BTBD8: variants seen among roughly 807,000 people sequenced by gnomAD.
BTBD8 encodes the protein BTB/POZ domain-containing protein 8.
A neutral mutation model predicts 162.9 loss-of-function variants in BTBD8; 110 were observed. The ratio of observed to expected loss-of-function variants is 0.68; its 90% CI spans 0.58 to 0.79. The LOEUF (loss-of-function observed/expected upper bound fraction) is 0.79, where lower values mean the gene tolerates loss of function less well. Ranked by LOEUF, BTBD8 falls within the 30% of genes least tolerant of loss-of-function variation. The pLI, the probability that BTBD8 is intolerant of heterozygous loss-of-function variation, is 0.00. For missense variants in BTBD8, 1,905 were observed against 2,085.4 expected, an observed-to-expected ratio of 0.91 and a Z score of 1.68; for synonymous variants, 667 against 716.1, an observed-to-expected ratio of 0.93 and a Z score of 1.10.
rs780881044 is a variant in BTBD8 at position 92,177,208 on chromosome 1, A to C, written c.2015A>C (p.Gln672Pro). The change falls in exon 14 of 18, where the codon CAG becomes CCG. Residue 672 changes from glutamine (Q) to proline (P), a missense_variant. By Grantham distance (76) the Gln-to-Pro change is moderately conservative. Coordinates refer to ENST00000636805, the MANE Select transcript of BTBD8 (RefSeq NM_001376131.1). ...ACAGCAGCAGCAGCAGCAACTGGAC[A>C]GAAGAATTTACTAAATGGAAAAGGA... ...SATAAAAATGQKNLLNGKGVR... is the reference protein window; with the variant it reads ...SATAAAAATGPKNLLNGKGVR... The C allele has an allele frequency of 9.0e-6, 14 of 1,551,922 alleles. No homozygotes were observed. The East Asian group carries it at 3.4e-4, about 38-fold the overall frequency.
intron 7 of BTBD8, among the ~76,000 whole-genome samples, chr1:92,143,479 CT>C (rs921998214): frequency 2.3e-4 from 35 of 151,626 alleles, no homozygotes; most frequent in Non-Finnish European, 4.7e-4. Flanking sequence ...TTGTTGAAAA[CT>C]TTTTTTGCTT....
rs749435917 is a variant in BTBD8 at position 92,147,230 on chromosome 1, T to C, written c.981T>C (p.His327=). The C allele has an allele frequency of 1.2e-6, 2 of 1,612,354 alleles. No homozygotes were observed. The highest frequency in any genetic ancestry group is 2.2e-5 in the East Asian group (1 of 44,746). Residue 327 remains histidine, a synonymous_variant, in exon 8 of 18, where the codon CAT becomes CAC. Coordinates refer to ENST00000636805, the MANE Select transcript of BTBD8 (RefSeq NM_001376131.1). ...TACTAGAATGCCTGATTATTGCTCATTCAGTTGGAGTGGAAAGTCTTTTTG... is the reference window on the plus strand; with the variant it reads ...TACTAGAATGCCTGATTATTGCTCACTCAGTTGGAGTGGAAAGTCTTTTTG... The part of the protein sequence containing the change: ...TSILECLIIA[H]SVGVESLFAD...
rs1356153010 is a variant in BTBD8 at position 92,171,504 on chromosome 1, A to G, written c.1635+44A>G. The G allele has an allele frequency of 7.0e-6, 8 of 1,147,726 alleles. No individual in the cohort carries two copies. In the Admixed American group the frequency reaches 8.5e-5, roughly 12 times the overall value. 71.1% of individuals were successfully genotyped at this position (1,147,726 alleles called of 1,614,324 possible). On this transcript the variant is annotated intron_variant, in intron 13 of 17. Transcript: ENST00000636805. ...ATAGGTACAAATGAAAAAGATAACA[A>G]ATTATTTAAAGCTTATTATTTTATA... is the stretch of plus-strand genomic sequence containing the variant.
At chr1:92,139,460 A>G (rs372524116) in intron 6 of BTBD8, 30 bp downstream of exon 6, 3 of 1,588,292 alleles carry the variant, frequency 1.9e-6, no homozygotes, top group African/African-American at 2.7e-5. Flanking sequence ...AATTTAAAAT[A>G]TAAAAGAGTT....
chr1:92,182,953 A>G (rs1650964579), intron 17 of BTBD8, among the ~76,000 whole-genome samples: 1 of 152,070 alleles, frequency 6.6e-6, no homozygotes, highest in South Asian at 2.1e-4. Context: ...TACATTGGAT[A>G]TGATTTATAG....
chr1:92,087,282 C>T (rs1221603720), intron 1 of BTBD8, among the ~76,000 whole-genome samples: 3 of 145,866 alleles, frequency 2.1e-5, no homozygotes, highest in Non-Finnish European at 4.5e-5. Context: ...AGCTGCAGTG[C>T]TTCCTTATTC....
chr1:92,127,934 A>T (rs1489512704), intron 4 of BTBD8, among the ~76,000 whole-genome samples: 2 of 151,990 alleles, frequency 1.3e-5, no homozygotes, highest in Non-Finnish European at 2.9e-5. Flanking sequence ...TGGGTAGGGT[A>T]TGGTGTGTCT....
chr1:92,164,963 T>TA (rs1650353069), intron 9 of BTBD8, among the ~76,000 whole-genome samples: 1 of 151,524 alleles, frequency 6.6e-6, no homozygotes, highest in African/African-American at 2.4e-5. Context: ...GTACTTTTTT[T>TA]AAAAAAAATT....
In BTBD8 at chr1:92,183,522, CT is replaced by C. The variant is rs540446718; in HGVS notation, c.4913-332del. ...AAAAGTCATCATCAAAACACTATGT[CT>C]TTTTTTTTTCTCTTTTTCTATTGTA... On this transcript the variant is annotated intron_variant, in intron 17 of 17. Coordinates refer to ENST00000636805, the MANE Select transcript of BTBD8 (RefSeq NM_001376131.1). Among the ~76,000 whole-genome samples the C allele has an allele frequency of 4.4e-3, 657 of 149,136 alleles. 6 individuals are homozygous for C. Among genetic ancestry groups the C allele is most frequent in the African/African-American group, 0.015 (614 of 40,744 alleles).
At chr1:92,174,587 A>G (rs564048782) in intron 13 of BTBD8, among the ~76,000 whole-genome samples, 4 of 152,170 alleles carry the variant, frequency 2.6e-5, no homozygotes, top group African/African-American at 9.6e-5. Context: ...TTCTAAAAGC[A>G]GAAGTCAGCC....
chr1:92,153,080 A>G (rs573900503), intron 9 of BTBD8, among the ~76,000 whole-genome samples: 1 of 152,312 alleles, frequency 6.6e-6, no homozygotes, highest in Non-Finnish European at 1.5e-5. Context: ...ATAACCCCAG[A>G]TTGGCCTTTT....
At chr1:92,166,299 G>T (rs1051697413) in intron 9 of BTBD8, among the ~76,000 whole-genome samples, 1 of 151,970 alleles carries the variant, frequency 6.6e-6, no homozygotes, top group African/African-American at 2.4e-5. Flanking sequence ...TAGCCATGCA[G>T]TTATAAATGA....
At chr1:92,100,971 G>A (rs147823284) in intron 2 of BTBD8, among the ~76,000 whole-genome samples, 2,344 of 152,102 alleles carry the variant, frequency 0.015, 75 homozygotes, top group African/African-American at 0.053. Flanking sequence ...GTGGTGTTTG[G>A]TTACATTAAT....
chr1:92,171,362 G>C, intron 12 of BTBD8, 37 bp from the exon 13 acceptor site: 1 of 1,459,580 alleles, frequency 6.9e-7, no homozygotes, highest in Non-Finnish European at 9.3e-7. Context: ...TAATAATAAT[G>C]TTCCTTATAA....
chr1:92,115,892 C>T (rs1649031071), intron 4 of BTBD8: 1 of 152,740 alleles, frequency 6.5e-6, no homozygotes, highest in African/African-American at 2.4e-5. Context: ...CTTTTGCTTA[C>T]TTTAGGTTTA....
chr1:92,151,549 TA>T (rs879923383), intron 9 of BTBD8, among the ~76,000 whole-genome samples: 7 of 152,128 alleles, frequency 4.6e-5, no homozygotes, highest in African/African-American at 1.2e-4. Flanking sequence ...TTTTTTAAAT[TA>T]TTTTTTTTCA....
chr1:92,127,937 G>A (rs977219419), intron 4 of BTBD8, among the ~76,000 whole-genome samples: 2 of 152,062 alleles, frequency 1.3e-5, no homozygotes, highest in Admixed American at 6.6e-5. Flanking sequence ...GTAGGGTATG[G>A]TGTGTCTGTG....
At chr1:92,130,944 T>G (rs1649501054) in intron 5 of BTBD8, among the ~76,000 whole-genome samples, 1 of 152,178 alleles carries the variant, frequency 6.6e-6, no homozygotes, top group African/African-American at 2.4e-5. Context: ...CTCAAGTAAT[T>G]CACCTTGCCT....
At position 92,129,718 on chromosome 1, in the gene BTBD8, G is replaced by T; in HGVS notation, c.694G>T (p.Ala232Ser). Residue 232 changes from alanine to serine, a missense_variant, in exon 5 of 18, where the codon GCT becomes TCT. By Grantham distance (99) the Ala-to-Ser change is moderately conservative. Transcript: ENST00000636805. ...AILSARSSYF[A>S]AMLSGCWAES... The stretch of plus-strand genomic sequence containing the variant: ...TTTGAGTGCCAGATCTAGTTATTTT[G>T]CTGCAATGCTGAGTGGCTGTTGGGC... The T allele has an allele frequency of 6.2e-7, 1 of 1,613,984 alleles. No individual in the cohort carries two copies. Among genetic ancestry groups the T allele is most frequent in the Non-Finnish European group, 8.5e-7 (1 of 1,179,996 alleles).
Sources: gnomAD v4.1 joint callset for allele counts (sites outside exome capture counted in the v4.1 genomes callset) on GRCh38, gnomAD v4.1.1 for gene constraint, MANE v1.5 for transcripts, NCBI Gene and HGNC (gene_info 2026-07-23, HGNC 2026-07-21) for gene names.